Variants in POLR3B observed in about 807,000 individuals in gnomAD.
POLR3B encodes the protein RNA polymerase III subunit B, also known as DNA-directed RNA polymerase III subunit RPC2.
A neutral mutation model predicts 147.4 loss-of-function variants in POLR3B; 96 were observed. That is an observed-to-expected ratio of 0.65 (90% CI 0.55 to 0.77). The LOEUF is 0.77. Among genes scored for constraint, POLR3B ranks in the 30% least tolerant of loss-of-function variants. The probability of loss-of-function intolerance (pLI) is 0.00; values close to 1 mark genes in which losing one functional copy is unlikely to be tolerated. For missense variants in POLR3B, 1,036 were observed against 1,413.5 expected (o/e 0.73, Z 4.28); for synonymous variants, 461 against 485.9 (o/e 0.95, Z 0.67).
intron 12 of POLR3B, among the ~76,000 whole-genome samples, chr12:106,426,367 C>A (rs989471991): frequency 2.0e-5 from 3 of 152,012 alleles, no homozygotes; most frequent in African/African-American, 7.2e-5. Flanking sequence ...TTCTCTGCTT[C>A]AGCTTCCCAA....
intron 10 of POLR3B, among the ~76,000 whole-genome samples, chr12:106,401,570 A>G (rs563550221): frequency 6.6e-6 from 1 of 152,358 alleles, no homozygotes; most frequent in South Asian, 2.1e-4. Context: ...TCATTAAAAT[A>G]CTGGCAAACC....
rs370449385 is a variant in POLR3B, at chr12:106,397,398, C to T, written c.846+4245C>T. Reference sequence around the variant, plus strand: ...TTATCCCACAGAGTTCCCCCTCATGCCCCTTCCTAGTCAATCTTTACCTCT... The same window carrying T: ...TTATCCCACAGAGTTCCCCCTCATGTCCCTTCCTAGTCAATCTTTACCTCT... On this transcript the variant is annotated intron_variant, in intron 10 of 27. Coordinates refer to ENST00000228347, the MANE Select transcript of POLR3B (RefSeq NM_018082.6). Among the ~76,000 whole-genome samples the T allele has an allele frequency of 3.0e-3, 454 of 152,294 alleles. 1 individual carries two copies. Among genetic ancestry groups the T allele is most frequent in the African/African-American group, 9.4e-3 (390 of 41,560 alleles).
intron 23 of POLR3B, among the ~76,000 whole-genome samples, chr12:106,465,935 G>A (rs2137039308): frequency 6.6e-6 from 1 of 152,256 alleles, no homozygotes; most frequent in African/African-American, 2.4e-5. Flanking sequence ...GTGTGCATGT[G>A]TCTTTATAGT....
In POLR3B at chr12:106,488,145, T is replaced by C. The variant is rs116065613; in HGVS notation, c.2714-7910T>C. On this transcript the variant is annotated intron_variant, in intron 23 of 27. Transcript: ENST00000228347. ...AGAAGCAGGCAGGATTCACTCACAG[T>C]GTACTTTTTAGATGAGGACATTTCA... is the stretch of plus-strand genomic sequence containing the variant. Among the ~76,000 whole-genome samples, 646 of 152,350 alleles carry C rather than the reference T, an allele frequency of 4.2e-3. 3 individuals are homozygous for C. The highest frequency in any genetic ancestry group is 0.014 in the African/African-American group (575 of 41,574).
At chr12:106,385,446 T>A (rs950783986) in intron 9 of POLR3B, among the ~76,000 whole-genome samples, 1 of 152,162 alleles carries the variant, frequency 6.6e-6, no homozygotes, top group Non-Finnish European at 1.5e-5. Context: ...TCAATAGTTA[T>A]GATAGTGGAA....
chr12:106,384,347 A>T lies in POLR3B; in HGVS notation c.723+4208A>T, dbSNP rs762863884. Among the ~76,000 whole-genome samples, 38 of 152,246 alleles carry T rather than the reference A, an allele frequency of 2.5e-4. 1 individual carries two copies. Among genetic ancestry groups the T allele is most frequent in the Non-Finnish European group, 4.4e-4 (30 of 68,038 alleles). On this transcript the variant is annotated intron_variant, in intron 9 of 27. Coordinates refer to ENST00000228347, the MANE Select transcript of POLR3B (RefSeq NM_018082.6). Reference sequence around the variant, plus strand: ...CAAGCAAAATAAAAAAATAGTTGGCATTATGTGATACAGTTAGTTGATCCT... The same window carrying T: ...CAAGCAAAATAAAAAAATAGTTGGCTTTATGTGATACAGTTAGTTGATCCT...
chr12:106,442,398 T>TA (rs2037663996), intron 18 of POLR3B, among the ~76,000 whole-genome samples: 1 of 152,210 alleles, frequency 6.6e-6, no homozygotes, highest in South Asian at 2.1e-4. Context: ...TGTTTTCTTC[T>TA]AGACTATAAA....
intron 9 of POLR3B, among the ~76,000 whole-genome samples, chr12:106,390,003 G>C (rs2036892400): frequency 6.6e-6 from 1 of 152,178 alleles, no homozygotes; most frequent in Non-Finnish European, 1.5e-5. Flanking sequence ...TGGATCACTT[G>C]CAGCCAGGAA....
chr12:106,380,276 T>C, intron 9 of POLR3B, 137 bp downstream of exon 9: 1 of 664,934 alleles, frequency 1.5e-6, no homozygotes, highest in East Asian at 2.8e-5. Flanking sequence ...ATATGATGTA[T>C]TTTAAATTGA....
chr12:106,411,538 T>C (rs144106636), intron 12 of POLR3B, among the ~76,000 whole-genome samples: 11 of 152,352 alleles, frequency 7.2e-5, no homozygotes, highest in Non-Finnish European at 1.3e-4. Flanking sequence ...TTAAGTAATA[T>C]CATTTATTCA....
chr12:106,479,634 C>T (rs1231270106), intron 23 of POLR3B, among the ~76,000 whole-genome samples: 4 of 152,210 alleles, frequency 2.6e-5, no homozygotes, highest in African/African-American at 9.6e-5. Context: ...CCACCTGCCT[C>T]GGCCTCCCAA....
At chr12:106,361,185 G>A (rs1347491316) in intron 1 of POLR3B, among the ~76,000 whole-genome samples, 1 of 152,200 alleles carries the variant, frequency 6.6e-6, no homozygotes, top group Non-Finnish European at 1.5e-5. Context: ...GGGACGAGCA[G>A]GAAGAGTAGT....
chr12:106,495,957 G>C, intron 23 of POLR3B, 98 bp from the exon 24 acceptor site: 1 of 804,016 alleles, frequency 1.2e-6, no homozygotes. Context: ...TTTTAGAGCA[G>C]TGGAAATAGA....
chr12:106,416,282 TA>T (rs1216556567), intron 12 of POLR3B, among the ~76,000 whole-genome samples: 1 of 152,250 alleles, frequency 6.6e-6, no homozygotes, highest in Non-Finnish European at 1.5e-5. Flanking sequence ...ATGTGCTTTT[TA>T]GTTATGAGAA....
chr12:106,464,540 C>G (rs186382127), intron 23 of POLR3B, among the ~76,000 whole-genome samples: 4 of 152,262 alleles, frequency 2.6e-5, no homozygotes, highest in African/African-American at 9.6e-5. Flanking sequence ...CTCCAGAGAC[C>G]TAGCTCTTAA....
intron 23 of POLR3B, among the ~76,000 whole-genome samples, chr12:106,476,648 G>C: frequency 6.9e-6 from 1 of 144,798 alleles, no homozygotes; most frequent in Non-Finnish European, 1.5e-5. Flanking sequence ...CTTTCTTCCA[G>C]TTGATCGCAT....
At position 106,454,573 on chromosome 12, in the gene POLR3B, A is replaced by G. The variant is rs775402995; in HGVS notation, c.2155A>G (p.Met719Val). 3.7e-6 allele frequency: 6 copies of G among 1,610,040 alleles called. No homozygotes were observed. Among genetic ancestry groups the G allele is most frequent in the South Asian group, 2.2e-5 (2 of 91,014 alleles). ...MYLLAYPQKP[M>V]VKTKTIELIE... The stretch of plus-strand genomic sequence containing the variant: ...TCTACTAGCATATCCACAAAAACCC[A>G]TGGTTAAGACAAAAACCATTGAATT... The change falls in exon 20 of 28, where the codon ATG becomes GTG. Residue 719 changes from methionine (M) to valine (V), a missense_variant. Met to Val is a conservative substitution (Grantham distance 21, BLOSUM62 1). Coordinates refer to ENST00000228347, the MANE Select transcript of POLR3B (RefSeq NM_018082.6).
intron 10 of POLR3B, among the ~76,000 whole-genome samples, chr12:106,398,103 C>T (rs979769196): frequency 1.3e-5 from 2 of 152,178 alleles, no homozygotes; most frequent in Admixed American, 6.5e-5. Flanking sequence ...GGGTGACAGA[C>T]GGCACCTGGA....
chr12:106,405,189 C>T (rs184108129), intron 10 of POLR3B, among the ~76,000 whole-genome samples: 14 of 152,146 alleles, frequency 9.2e-5, no homozygotes, highest in African/African-American at 2.2e-4. Flanking sequence ...ATCCTGTTTT[C>T]GCTACTCCAG....
Sources: gnomAD v4.1 joint callset for allele counts (sites outside exome capture counted in the v4.1 genomes callset) on GRCh38, gnomAD v4.1.1 for gene constraint, MANE v1.5 for transcripts, NCBI Gene and HGNC (gene_info 2026-07-23, HGNC 2026-07-21) for gene names.